Variants in COPB1 observed in about 807,000 individuals in gnomAD.
COPB1 encodes coat protein complex I subunit beta 1.
COPB1 carries 21 observed loss-of-function variants against 108.7 expected under a neutral mutation model. The ratio of observed to expected loss-of-function variants is 0.19; its 90% CI spans 0.14 to 0.28. The LOEUF (loss-of-function observed/expected upper bound fraction) is 0.28. Among genes scored for constraint, COPB1 ranks in the 10% least tolerant of loss-of-function variants. The probability of loss-of-function intolerance (pLI) is 1.00; values close to 1 mark genes in which losing one functional copy is unlikely to be tolerated. For synonymous variants in COPB1, 378 were observed against 386.8 expected, an observed-to-expected ratio of 0.98 and a Z score of 0.27; for missense variants, 919 against 1,141.3, an observed-to-expected ratio of 0.81 and a Z score of 2.81.
chr11:14,497,982 G>A (rs1165874010), intron 2 of COPB1, among the ~76,000 whole-genome samples: 2 of 152,190 alleles, frequency 1.3e-5, no homozygotes, highest in African/African-American at 2.4e-5. Flanking sequence ...ATTTGTGGAA[G>A]CTAAAAATCA....
At chr11:14,496,530 A>G (rs1404576892) in intron 2 of COPB1, among the ~76,000 whole-genome samples, 1 of 152,172 alleles carries the variant, frequency 6.6e-6, no homozygotes, top group African/African-American at 2.4e-5. Flanking sequence ...AAAACTATAA[A>G]TACTGATGAA....
rs139340848 is a variant in COPB1 at position 14,494,356 on chromosome 11, G to A, written c.175C>T (p.Leu59=). The A allele has an allele frequency of 6.3e-5, 102 of 1,613,360 alleles. No homozygotes were observed. The highest frequency in any genetic ancestry group is 8.5e-5 in the Non-Finnish European group (100 of 1,179,666). ...AGCACAAAACGAATGATGGTCATCA[G>A]AAGTCCAGGAAGTTTTTCACCATTC... ...ILNGEKLPGL[L]MTIIRFVLPL... is the part of the protein sequence containing the mutation. The change falls in exon 3 of 22, where the codon CTG becomes TTG. Residue 59 remains leucine, a synonymous_variant. Transcript: ENST00000439561.
chr11:14,479,891 A>C (rs1850623743), intron 10 of COPB1, among the ~76,000 whole-genome samples, 177 bp from the exon 11 acceptor site: 1 of 152,002 alleles, frequency 6.6e-6, no homozygotes, highest in South Asian at 2.1e-4. Context: ...GCAGCCTTGA[A>C]CTCTTGGGCT....
At chr11:14,472,948 A>G (rs1234763754) in intron 14 of COPB1, among the ~76,000 whole-genome samples, 1 of 152,110 alleles carries the variant, frequency 6.6e-6, no homozygotes, top group Non-Finnish European at 1.5e-5. Flanking sequence ...ACTTTCTATC[A>G]GCAATAAAGC....
chr11:14,486,372 T>C lies in COPB1; in HGVS notation c.832A>G (p.Ile278Val), dbSNP rs1850775275. The change falls in exon 7 of 22, where the codon ATC becomes GTC. Residue 278 changes from isoleucine to valine, a missense_variant. By Grantham distance (29) the Ile-to-Val change is conservative. Transcript: ENST00000439561. ...LVTLSSAPTA[I>V]KAAAQCYIDL... Reference sequence around the variant, plus strand: ...CCAAAAGAAATACACAGTACCTTGATTGCAGTTGGTGCACTAGAGAGTGTC... The same window carrying C: ...CCAAAAGAAATACACAGTACCTTGACTGCAGTTGGTGCACTAGAGAGTGTC... 7 of 1,613,976 alleles carry C rather than the reference T, an allele frequency of 4.3e-6. No individual in the cohort carries two copies. Among genetic ancestry groups the C allele is most frequent in the South Asian group, 2.2e-5 (2 of 91,092 alleles).
chr11:14,490,754 C>A lies in COPB1; in HGVS notation c.492-75G>T. Reference sequence around the variant, plus strand: ...ATTTTAGTAACTCTCTGGACAATACCAAAATTAAATTTAATCAAACTTTAC... The same window carrying A: ...ATTTTAGTAACTCTCTGGACAATACAAAAATTAAATTTAATCAAACTTTAC... On this transcript the variant is annotated intron_variant, in intron 4 of 21. Transcript: ENST00000439561. 5.6e-6 allele frequency: 4 copies of A among 719,378 alleles called. No homozygotes were observed. In the East Asian group the frequency reaches 9.1e-5, roughly 16 times the overall value. 44.6% of individuals were successfully genotyped at this position (719,378 alleles called of 1,614,324 possible).
At chr11:14,475,716 T>G in intron 13 of COPB1, 69 bp downstream of exon 13, 1 of 1,342,092 alleles carries the variant, frequency 7.5e-7, no homozygotes, top group South Asian at 2.3e-5. Flanking sequence ...AGAAATCATT[T>G]GACTGTCTTA....
Position 14,458,630 on chromosome 11 carries a change from C to T in COPB1, c.2704G>A (p.Gly902Ser), listed in dbSNP as rs758748886. 2 of 1,613,642 alleles carry T rather than the reference C, an allele frequency of 1.2e-6. No individual in the cohort carries two copies. The highest frequency in any genetic ancestry group is 1.7e-6 in the Non-Finnish European group (2 of 1,179,846). Reference protein sequence around the residue: ...AANLYARSIFGEDALANVSIE... With the variant: ...AANLYARSIFSEDALANVSIE... ...CTGACATTTGCAAGTGCATCTTCAC[C>T]AAATATGGAACGAGCATAAAGGTTG... is the stretch of plus-strand genomic sequence containing the variant. The change falls in exon 21 of 22, where the codon GGT (glycine) becomes AGT (serine). Residue 902 changes from glycine (G) to serine (S), a missense_variant. Gly to Ser is a moderately conservative substitution (Grantham distance 56). Coordinates refer to ENST00000439561, the MANE Select transcript of COPB1 (RefSeq NM_001144061.2).
chr11:14,475,164 A>C (rs1259192773), intron 13 of COPB1, among the ~76,000 whole-genome samples: 2 of 152,070 alleles, frequency 1.3e-5, no homozygotes, highest in African/African-American at 4.8e-5. Context: ...GAATATGGAA[A>C]GATACAATAT....
In COPB1 at chr11:14,488,553, A is replaced by C; in HGVS notation, c.638T>G (p.Ile213Ser). 6.2e-7 allele frequency: 1 copy of C among 1,607,136 alleles called. No individual in the cohort carries two copies. Among genetic ancestry groups the C allele is most frequent in the Admixed American group, 1.7e-5 (1 of 59,808 alleles). Reference sequence around the variant, plus strand: ...GTCTCCAAATGTTTGAACTTGATCAATGCAAGTACTTAAGTAATCCAAAGC... The same window carrying C: ...GTCTCCAAATGTTTGAACTTGATCACTGCAAGTACTTAAGTAATCCAAAGC... ...DRALDYLSTC[I>S]DQVQTFGDIL... The change falls in exon 6 of 22, where the codon ATT becomes AGT. Residue 213 changes from isoleucine (I) to serine (S), a missense_variant. Coordinates refer to ENST00000439561, the MANE Select transcript of COPB1 (RefSeq NM_001144061.2).
At chr11:14,496,576 T>C (rs1170861303) in intron 2 of COPB1, among the ~76,000 whole-genome samples, 1 of 151,996 alleles carries the variant, frequency 6.6e-6, no homozygotes. Context: ...TGGAAAGATA[T>C]TCCATGATCA....
chr11:14,483,411 A>C (rs1234526734), intron 7 of COPB1, among the ~76,000 whole-genome samples: 1 of 152,144 alleles, frequency 6.6e-6, no homozygotes, highest in Non-Finnish European at 1.5e-5. Flanking sequence ...GGATGAAAAA[A>C]AGCTGCTATA....
chr11:14,457,970 C>A, intron 21 of COPB1, 87 bp from the exon 22 acceptor site: 2 of 677,184 alleles, frequency 3.0e-6, no homozygotes, highest in South Asian at 2.3e-5. Flanking sequence ...CAATTCAATT[C>A]AATGACACCA....
At chr11:14,458,756 T>A in intron 20 of COPB1, 69 bp from the exon 21 acceptor site, 26 of 1,279,070 alleles carry the variant, frequency 2.0e-5, no homozygotes, top group Non-Finnish European at 2.5e-5. Context: ...CCAAACAGCA[T>A]AGGTGACTTT....
chr11:14,462,361 T>C (rs1340415027), intron 18 of COPB1, among the ~76,000 whole-genome samples: 3 of 151,934 alleles, frequency 2.0e-5, no homozygotes, highest in Non-Finnish European at 4.4e-5. Context: ...GCCTCCTGAG[T>C]AGCTGGGACC....
intron 2 of COPB1, among the ~76,000 whole-genome samples, chr11:14,497,298 A>G (rs1016862009): frequency 4.6e-5 from 7 of 151,580 alleles, no homozygotes; most frequent in African/African-American, 1.7e-4. Context: ...CTATCTCACA[A>G]GGGATTAATA....
At chr11:14,487,334 C>T (rs775998807) in intron 6 of COPB1, among the ~76,000 whole-genome samples, 21 of 152,160 alleles carry the variant, frequency 1.4e-4, no homozygotes, top group Admixed American at 7.2e-4. Flanking sequence ...AGCAGGGAAC[C>T]GCTAATTTTG....
chr11:14,459,469 C>G (rs1039745362), intron 20 of COPB1, among the ~76,000 whole-genome samples: 6 of 150,614 alleles, frequency 4.0e-5, no homozygotes, highest in African/African-American at 1.5e-4. Context: ...ATTTTTCTTT[C>G]TCTCTCGTTT....
At chr11:14,475,515 C>T (rs1334553744) in intron 13 of COPB1, among the ~76,000 whole-genome samples, 4 of 152,172 alleles carry the variant, frequency 2.6e-5, no homozygotes, top group African/African-American at 9.7e-5. Flanking sequence ...TCTTCAGTTA[C>T]CCCCACTTAG....
Sources: allele counts gnomAD v4.1 joint callset (sites outside exome capture counted in the v4.1 genomes callset), GRCh38; gene constraint gnomAD v4.1.1; transcripts MANE v1.5; gene names NCBI Gene and HGNC (gene_info 2026-07-23, HGNC 2026-07-21).